Variants in MPPED2 observed in about 807,000 individuals in gnomAD.
The protein encoded by MPPED2 is metallophosphoesterase MPPED2.
MPPED2 carries 5 observed loss-of-function variants against 33.0 expected under a neutral mutation model. That is an observed-to-expected ratio of 0.15 (90% CI 0.08 to 0.32). The LOEUF is 0.32. Ranked by LOEUF, MPPED2 falls within the 10% of genes least tolerant of loss-of-function variation. The pLI, the probability that MPPED2 is intolerant of heterozygous loss-of-function variation, is 1.00. For missense variants in MPPED2, 275 were observed against 372.1 expected (o/e 0.74, Z 2.15); for synonymous variants, 136 against 141.9 (o/e 0.96, Z 0.29).
chr11:30,406,134 G>T (rs1042423039), downstream of MPPED2, among the ~76,000 whole-genome samples: 1 of 152,170 alleles, frequency 6.6e-6, no homozygotes, highest in Non-Finnish European at 1.5e-5. Flanking sequence ...AGGTGGACGG[G>T]TTGAAGAAAA....
chr11:30,580,655 C>T (rs1468687917), intron 1 of MPPED2, among the ~76,000 whole-genome samples, 161 bp from the exon 2 acceptor site: 14 of 152,312 alleles, frequency 9.2e-5, no homozygotes, highest in Middle Eastern at 3.4e-3. Context: ...TCCCTTCATG[C>T]ACTTCAAAGT....
chr11:30,471,514 C>T (rs898350848), intron 4 of MPPED2, among the ~76,000 whole-genome samples: 6 of 152,326 alleles, frequency 3.9e-5, no homozygotes, highest in African/African-American at 1.4e-4. Context: ...CCAGATTCGT[C>T]TCAGTCTTCC....
At chr11:30,526,356 A>G (rs16920880) in intron 3 of MPPED2, among the ~76,000 whole-genome samples, 37,164 of 152,010 alleles carry the variant, frequency 0.24, 4,634 homozygotes, top group Middle Eastern at 0.33. Flanking sequence ...AGAAAAAAGG[A>G]CCCTAAGTGG....
chr11:30,473,707 T>G (rs1590424830), intron 4 of MPPED2, among the ~76,000 whole-genome samples: 1 of 152,322 alleles, frequency 6.6e-6, no homozygotes, highest in Non-Finnish European at 1.5e-5. Flanking sequence ...AAGACCCTGC[T>G]TTCCATCTTC....
chr11:30,585,384 C>A (rs2134978973), intron 1 of MPPED2, among the ~76,000 whole-genome samples: 1 of 151,866 alleles, frequency 6.6e-6, no homozygotes, highest in Non-Finnish European at 1.5e-5. Flanking sequence ...GCGGCGCGCG[C>A]GGGCGGCCCC....
intron 1 of MPPED2, 32 bp from the exon 2 acceptor site, chr11:30,580,526 G>A: frequency 2.1e-6 from 3 of 1,396,656 alleles, no homozygotes; most frequent in Non-Finnish European, 2.8e-6. Context: ...TATAAAATGA[G>A]AACAAAGAGA....
rs180847292 is a variant in MPPED2 at position 30,486,375 on chromosome 11, C to T, written c.536+8921G>A. Among the ~76,000 whole-genome samples the T allele has an allele frequency of 1.7e-3, 263 of 152,288 alleles. 1 individual carries two copies. Among genetic ancestry groups the T allele is most frequent in the Non-Finnish European group, 2.6e-3 (177 of 68,026 alleles). Reference sequence around the variant, plus strand: ...TATAACTGGTACAGAATCTACACGACGCTAAGAACTCAATCACTGAGAATT... The same window carrying T: ...TATAACTGGTACAGAATCTACACGATGCTAAGAACTCAATCACTGAGAATT... On this transcript the variant is annotated intron_variant, in intron 4 of 6. Transcript: ENST00000358117.
chr11:30,498,828 G>C (rs1952421467), intron 3 of MPPED2, among the ~76,000 whole-genome samples: 3 of 152,146 alleles, frequency 2.0e-5, no homozygotes, highest in Admixed American at 1.3e-4. Context: ...AATAGTAGAG[G>C]TAACTTACAG....
rs543714671 is a variant in MPPED2, at chr11:30,535,171, G to T, written c.310+823C>A. ...TTTCAAACCCTGCTTTAGTTTGATG[G>T]AAAACAAAGTTGTAATGTTTTTGCC... On this transcript the variant is annotated intron_variant, in intron 3 of 6. Transcript: ENST00000358117. Among the ~76,000 whole-genome samples the T allele has an allele frequency of 3.3e-5, 5 of 152,176 alleles. No homozygotes were observed. The East Asian group carries it at 9.7e-4, about 29-fold the overall frequency.
chr11:30,528,822 T>C (rs1954350565), intron 3 of MPPED2, among the ~76,000 whole-genome samples: 1 of 152,152 alleles, frequency 6.6e-6, no homozygotes, highest in South Asian at 2.1e-4. Context: ...CCCAAAAATA[T>C]GTGACACGGA....
At chr11:30,445,815 C>T (rs1949779263) in intron 4 of MPPED2, among the ~76,000 whole-genome samples, 1 of 152,160 alleles carries the variant, frequency 6.6e-6, no homozygotes, top group Non-Finnish European at 1.5e-5. Flanking sequence ...ATTAATATTC[C>T]ATTTTAGGTA....
intron 5 of MPPED2, among the ~76,000 whole-genome samples, chr11:30,414,580 T>A (rs925974721): frequency 6.6e-6 from 1 of 152,212 alleles, no homozygotes; most frequent in Non-Finnish European, 1.5e-5. Flanking sequence ...ACATTTTTTT[T>A]TCTGTAGGAG....
At chr11:30,549,254 T>C (rs1251880571) in intron 2 of MPPED2, among the ~76,000 whole-genome samples, 2 of 152,220 alleles carry the variant, frequency 1.3e-5, no homozygotes, top group Non-Finnish European at 2.9e-5. Context: ...TTATATGTCA[T>C]TTCTACATTT....
intron 1 of MPPED2, chr11:30,584,150 G>A (rs1957328700): frequency 6.6e-6 from 1 of 152,002 alleles, no homozygotes; most frequent in African/African-American, 2.4e-5. Flanking sequence ...CCAGCACTGC[G>A]GACACCCGGG....
In MPPED2 at chr11:30,567,119, T is replaced by C. The variant is rs145656643; in HGVS notation, c.128+13127A>G. Among the ~76,000 whole-genome samples the C allele has an allele frequency of 3.6e-3, 552 of 152,272 alleles. 1 individual carries two copies. Among genetic ancestry groups the C allele is most frequent in the African/African-American group, 0.011 (443 of 41,564 alleles). The stretch of plus-strand genomic sequence containing the variant: ...GACTTATAATGCATCTTTCCTTCAA[T>C]GTCAGCAGTAAATCCAGACGGTTTT... On this transcript the variant is annotated intron_variant, in intron 2 of 6. Transcript: ENST00000358117.
intron 4 of MPPED2, chr11:30,468,811 A>G (rs1036126334): frequency 8.5e-5 from 13 of 152,292 alleles, no homozygotes; most frequent in African/African-American, 2.9e-4. Context: ...AATAGGAGGC[A>G]TTTATGCTCT....
intron 3 of MPPED2, among the ~76,000 whole-genome samples, chr11:30,532,986 C>T (rs557116804): frequency 5.9e-5 from 9 of 152,178 alleles, no homozygotes; most frequent in African/African-American, 1.9e-4. Flanking sequence ...CTTTCAAATA[C>T]GTGCAATATT....
chr11:30,423,993 C>T (rs1022811639), intron 4 of MPPED2, among the ~76,000 whole-genome samples: 3 of 152,142 alleles, frequency 2.0e-5, no homozygotes, highest in Non-Finnish European at 4.4e-5. Context: ...AAGGTACTTC[C>T]TCAGTTCACT....
intron 4 of MPPED2, among the ~76,000 whole-genome samples, chr11:30,442,117 A>G (rs1203453134): frequency 6.6e-6 from 1 of 152,246 alleles, no homozygotes; most frequent in African/African-American, 2.4e-5. Flanking sequence ...ACTGTTGGAA[A>G]GAAGGTGGGA....
Sources: gnomAD v4.1 joint callset for allele counts (sites outside exome capture counted in the v4.1 genomes callset) on GRCh38, gnomAD v4.1.1 for gene constraint, MANE v1.5 for transcripts, NCBI Gene and HGNC (gene_info 2026-07-23, HGNC 2026-07-21) for gene names.